JAK1: variants seen among roughly 807,000 people sequenced by gnomAD.
JAK1 encodes tyrosine-protein kinase JAK1.
A neutral mutation model predicts 136.6 loss-of-function variants in JAK1; 16 were observed. The observed-to-expected ratio is 0.12, with a 90% CI of 0.08 to 0.18. The LOEUF is 0.18. JAK1 is among the 10% of genes least tolerant of loss of function. The pLI, the probability that JAK1 is intolerant of heterozygous loss-of-function variation, is 1.00. For missense variants in JAK1, 859 were observed against 1,450.1 expected (o/e 0.59, Z 6.62); for synonymous variants, 492 against 519.5 (o/e 0.95, Z 0.72).
intron 2 of JAK1, among the ~76,000 whole-genome samples, chr1:65,018,820 C>G (rs1307805963): frequency 6.6e-6 from 1 of 152,076 alleles, no homozygotes; most frequent in Non-Finnish European, 1.5e-5. Flanking sequence ...ACCATCCTGG[C>G]TAACACGGTG....
chr1:64,842,553 C>T (rs2100981827), intron 17 of JAK1, among the ~76,000 whole-genome samples: 1 of 152,302 alleles, frequency 6.6e-6, no homozygotes, highest in South Asian at 2.1e-4. Flanking sequence ...GTCACTCACA[C>T]ATCCCTGCGT....
intron 1 of JAK1, among the ~76,000 whole-genome samples, chr1:65,048,024 C>A (rs1569944519): frequency 6.6e-6 from 1 of 152,116 alleles, no homozygotes; most frequent in African/African-American, 2.4e-5. Flanking sequence ...AGTGCATCAT[C>A]CCACTTCTGA....
chr1:65,017,098 T>C (rs1646897447), intron 2 of JAK1, among the ~76,000 whole-genome samples: 1 of 152,056 alleles, frequency 6.6e-6, no homozygotes, highest in Non-Finnish European at 1.5e-5. Context: ...AAGATCCATA[T>C]GGAGAAATAG....
At chr1:64,867,276 A>G in intron 6 of JAK1, 68 bp from the exon 7 acceptor site, 1 of 1,183,968 alleles carries the variant, frequency 8.4e-7, no homozygotes, top group Non-Finnish European at 1.2e-6. Context: ...TTAGAAACAA[A>G]TCTAAGTCCA....
At chr1:64,935,730 T>C (rs76246080) in intron 1 of JAK1, among the ~76,000 whole-genome samples, 3,100 of 152,324 alleles carry the variant, frequency 0.02, 116 homozygotes, top group African/African-American at 0.072. Context: ...GAATACTTGA[T>C]GTGCTACCAC....
At chr1:64,836,467 T>C (rs542669073) in intron 22 of JAK1, among the ~76,000 whole-genome samples, 2 of 152,190 alleles carry the variant, frequency 1.3e-5, no homozygotes, top group South Asian at 4.2e-4. Context: ...GTGCTCTTCA[T>C]TTCACTGAGA....
At chr1:64,913,844 T>G (rs965323957) in intron 1 of JAK1, among the ~76,000 whole-genome samples, 3 of 151,712 alleles carry the variant, frequency 2.0e-5, no homozygotes, top group Non-Finnish European at 4.4e-5. Context: ...TGCAGAAAAA[T>G]AGATATTAAA....
intron 1 of JAK1, among the ~76,000 whole-genome samples, chr1:64,933,476 C>T (rs1465232303): frequency 6.6e-6 from 1 of 152,232 alleles, no homozygotes; most frequent in Non-Finnish European, 1.5e-5. Context: ...TTGCACAACA[C>T]TGCCAAAAAG....
chr1:65,059,184 T>C (rs1251267391), intron 1 of JAK1, among the ~76,000 whole-genome samples: 3 of 151,320 alleles, frequency 2.0e-5, no homozygotes, highest in African/African-American at 7.3e-5. Flanking sequence ...CCAGAGATCA[T>C]ATATTGCTAA....
intron 2 of JAK1, among the ~76,000 whole-genome samples, chr1:64,998,475 A>G (rs553513363): frequency 2.0e-5 from 3 of 152,318 alleles, no homozygotes; most frequent in African/African-American, 7.2e-5. Context: ...ACTCATTGAA[A>G]GTCTTGGATT....
At chr1:64,999,187 C>A (rs535615620) in intron 2 of JAK1, among the ~76,000 whole-genome samples, 1 of 152,306 alleles carries the variant, frequency 6.6e-6, no homozygotes, top group East Asian at 1.9e-4. Flanking sequence ...ATCACTTTCT[C>A]CTGTTGCTAT....
chr1:64,960,783 G>A (rs1472253106), intron 1 of JAK1, among the ~76,000 whole-genome samples: 1 of 152,104 alleles, frequency 6.6e-6, no homozygotes, highest in Non-Finnish European at 1.5e-5. Flanking sequence ...CCCTAAATGA[G>A]ACATCTGAAG....
intron 1 of JAK1, among the ~76,000 whole-genome samples, chr1:64,910,459 G>A (rs577085085): frequency 9.9e-5 from 15 of 152,180 alleles, no homozygotes; most frequent in Non-Finnish European, 1.8e-4. Flanking sequence ...ATTTCTCCGG[G>A]GGAAGAGGGA....
chr1:65,058,643 G>C, intron 1 of JAK1: 1 of 414,832 alleles, frequency 2.4e-6, no homozygotes, highest in South Asian at 1.8e-5. Flanking sequence ...GAAAAAGAAG[G>C]ATCAGAGCCC....
chr1:65,035,844 G>A (rs972832423), intron 2 of JAK1, among the ~76,000 whole-genome samples: 3 of 152,206 alleles, frequency 2.0e-5, no homozygotes, highest in Admixed American at 6.5e-5. Flanking sequence ...CGAGGCGGGC[G>A]GATCATGAGG....
rs1362411708 is a variant in JAK1 at position 64,868,921 on chromosome 1, C to T, written c.647+390G>A. ...TACTGTAACGTGTTCAGAGTTCAGGCTTGGGATGGTAGTAGCTGCTTACAG... is the reference window on the plus strand; with the variant it reads ...TACTGTAACGTGTTCAGAGTTCAGGTTTGGGATGGTAGTAGCTGCTTACAG... On this transcript the variant is annotated intron_variant, in intron 6 of 24. Coordinates refer to ENST00000342505, the MANE Select transcript of JAK1 (RefSeq NM_002227.4). Among the ~76,000 whole-genome samples, 4 of 152,234 alleles carry T rather than the reference C, an allele frequency of 2.6e-5. No homozygotes were observed. In the East Asian group the frequency reaches 7.7e-4, roughly 29 times the overall value.
intron 1 of JAK1, among the ~76,000 whole-genome samples, chr1:65,050,897 G>T (rs969880572): frequency 6.6e-6 from 1 of 152,130 alleles, no homozygotes; most frequent in Admixed American, 6.5e-5. Flanking sequence ...GCCTCCTCAG[G>T]TTCTTCAATT....
At chr1:64,946,802 A>G (rs1645996139) in intron 1 of JAK1, among the ~76,000 whole-genome samples, 1 of 152,252 alleles carries the variant, frequency 6.6e-6, no homozygotes, top group Non-Finnish European at 1.5e-5. Context: ...GTCAAAAGGT[A>G]GAAGCCACCC....
chr1:64,965,142 C>T lies in JAK1; in HGVS notation c.-78+1191G>A, dbSNP rs542688941. 3.9e-5 allele frequency among the ~76,000 whole-genome samples: 6 copies of T among 152,290 alleles called. No homozygotes were observed. In the South Asian group the frequency reaches 1.2e-3, roughly 32 times the overall value. On this transcript the variant is annotated intron_variant, in intron 1 of 24. Transcript: ENST00000342505. ...ATAAAAAAATAGCCAAAACCAAACA[C>T]GCCCTGATTTACATCTCTCTCTGCA...
Sources: gnomAD v4.1 joint callset for allele counts (sites outside exome capture counted in the v4.1 genomes callset) on GRCh38, gnomAD v4.1.1 for gene constraint, MANE v1.5 for transcripts, NCBI Gene and HGNC (gene_info 2026-07-23, HGNC 2026-07-21) for gene names.